The following KLF12 variants were observed in gnomAD, a reference collection of about 807,000 sequenced individuals.
KLF12 encodes the protein KLF transcription factor 12.
KLF12 carries 9 observed loss-of-function variants against 37.8 expected under a neutral mutation model. The ratio of observed to expected loss-of-function variants is 0.24; its 90% confidence interval spans 0.14 to 0.42. KLF12 has a LOEUF of 0.42. Ranked by LOEUF, KLF12 falls within the 10% of genes least tolerant of loss-of-function variation. The probability of loss-of-function intolerance (pLI) is 1.00; values close to 1 mark genes in which losing one functional copy is unlikely to be tolerated. For synonymous variants in KLF12, 208 were observed against 202.1 expected, an observed-to-expected ratio of 1.03 and a Z score of -0.25; for missense variants, 411 against 516.0, an observed-to-expected ratio of 0.80 and a Z score of 1.97.
the KLF12 span, among the ~76,000 whole-genome samples, chr13:74,239,048 G>A: frequency 5.4e-5 from 8 of 147,930 alleles, no homozygotes; most frequent in African/African-American, 1.8e-4. Context: ...GTCAATTTTG[G>A]ATCTTTCCTG....
At chr13:73,979,354 AACACACACACACACACACACAC>A (rs71115629) in intron 2 of KLF12, among the ~76,000 whole-genome samples, 5 of 139,620 alleles carry the variant, frequency 3.6e-5, no homozygotes, top group Non-Finnish European at 6.2e-5. Context: ...TCTGCTTTTA[AACACACACACACACACACACAC>A]ACACACACAC....
At chr13:74,275,868 ATCTTTCTTTCTTCTT>A in the KLF12 span, among the ~76,000 whole-genome samples, 1 of 67,434 alleles carries the variant, frequency 1.5e-5, no homozygotes, top group African/African-American at 5.9e-5. Flanking sequence ...CTTTCTTTCT[ATCTTTCTTTCTTCTT>A]TCTTTCTTTC....
chr13:74,236,213 C>A, the KLF12 span, among the ~76,000 whole-genome samples: 1 of 135,514 alleles, frequency 7.4e-6, no homozygotes, highest in African/African-American at 3.1e-5. Flanking sequence ...TTTGTTCTTG[C>A]GATAGTTTAC....
At chr13:73,752,080 T>C (rs1400099694) in intron 6 of KLF12, among the ~76,000 whole-genome samples, 1 of 152,160 alleles carries the variant, frequency 6.6e-6, no homozygotes. Flanking sequence ...CCTCCTGGGT[T>C]CAAGTGATTC....
At chr13:74,241,637 G>C in the KLF12 span, among the ~76,000 whole-genome samples, 4 of 152,246 alleles carry the variant, frequency 2.6e-5, no homozygotes, top group African/African-American at 4.8e-5. Flanking sequence ...GCCAGGTGCC[G>C]GATATAATCT....
intron 2 of KLF12, among the ~76,000 whole-genome samples, chr13:73,972,689 C>A (rs17061829): frequency 6.7e-6 from 1 of 149,388 alleles, no homozygotes; most frequent in Non-Finnish European, 1.5e-5. Context: ...CAGATCGATA[C>A]GAGGTGACAG....
the KLF12 span, among the ~76,000 whole-genome samples, chr13:74,202,721 G>A: frequency 2.9e-4 from 44 of 152,184 alleles, no homozygotes; most frequent in African/African-American, 9.6e-4. Flanking sequence ...TCCAAATTAT[G>A]GAAGGAACTA....
chr13:73,713,910 T>G (rs1274981971), intron 7 of KLF12, among the ~76,000 whole-genome samples: 1 of 152,182 alleles, frequency 6.6e-6, no homozygotes, highest in African/African-American at 2.4e-5. Flanking sequence ...TAGAAAGTCA[T>G]TTTTTTAAAA....
chr13:74,180,809 C>T, the KLF12 span, among the ~76,000 whole-genome samples: 1 of 152,094 alleles, frequency 6.6e-6, no homozygotes, highest in East Asian at 1.9e-4. Flanking sequence ...AGAAATTATG[C>T]TTCCTGAGCT....
At chr13:74,216,583 G>A in the KLF12 span, among the ~76,000 whole-genome samples, 3 of 152,224 alleles carry the variant, frequency 2.0e-5, no homozygotes, top group South Asian at 2.1e-4. Context: ...ATTTATTCTC[G>A]ATTTCTAAGA....
At chr13:73,878,424 CAGGTAGGCAAAACT>C (rs1349914494) in intron 3 of KLF12, among the ~76,000 whole-genome samples, 1 of 152,012 alleles carries the variant, frequency 6.6e-6, no homozygotes, top group Middle Eastern at 3.2e-3. Context: ...GAAGTGGTTC[CAGGTAGGCAAAACT>C]AAAAGGAAAT....
chr13:74,041,057 T>C (rs1893388835), intron 1 of KLF12, among the ~76,000 whole-genome samples: 1 of 152,018 alleles, frequency 6.6e-6, no homozygotes, highest in African/African-American at 2.4e-5. Context: ...CCAAATAACA[T>C]CTCCAAAATT....
At chr13:74,097,038 C>T (rs1411515438) in intron 1 of KLF12, among the ~76,000 whole-genome samples, 1 of 152,138 alleles carries the variant, frequency 6.6e-6, no homozygotes, top group East Asian at 1.9e-4. Context: ...CTCTGAACTA[C>T]AGTTTCCAAG....
chr13:74,168,357 C>G, the KLF12 span, among the ~76,000 whole-genome samples: 1 of 152,240 alleles, frequency 6.6e-6, no homozygotes, highest in South Asian at 2.1e-4. Flanking sequence ...CATGTCTTAT[C>G]TCCCTCTCCA....
chr13:74,300,172 G>C, the KLF12 span, among the ~76,000 whole-genome samples: 1 of 152,046 alleles, frequency 6.6e-6, no homozygotes, highest in Non-Finnish European at 1.5e-5. Flanking sequence ...TTTTCTTTTA[G>C]AATGAGAGGG....
chr13:73,882,811 C>T (rs901770709), intron 3 of KLF12, among the ~76,000 whole-genome samples: 1 of 152,146 alleles, frequency 6.6e-6, no homozygotes, highest in Non-Finnish European at 1.5e-5. Context: ...TGTACACCAA[C>T]AGAATTTATC....
chr13:74,129,726 G>C lies in KLF12; in HGVS notation c.-32+4013C>G, dbSNP rs991600227. On this transcript the variant is annotated intron_variant, in intron 1 of 7. Transcript: ENST00000377669. ...AGACAGGAAGAAAGACCATACCAGAGCAGAATTCTTTGGGTGAATATCCTG... is the reference window on the plus strand; with the variant it reads ...AGACAGGAAGAAAGACCATACCAGACCAGAATTCTTTGGGTGAATATCCTG... Among the ~76,000 whole-genome samples, 3 of 150,750 alleles carry C rather than the reference G, an allele frequency of 2.0e-5. No individual in the cohort carries two copies. The South Asian group carries it at 6.3e-4, about 31-fold the overall frequency.
the KLF12 span, among the ~76,000 whole-genome samples, chr13:74,270,096 T>A: frequency 1.2e-3 from 187 of 152,332 alleles, no homozygotes; most frequent in Non-Finnish European, 2.1e-3. Flanking sequence ...AACATAAAAC[T>A]TGGTTGGCCT....
chr13:73,722,339 T>C (rs1335558858), intron 6 of KLF12, among the ~76,000 whole-genome samples: 1 of 152,196 alleles, frequency 6.6e-6, no homozygotes, highest in African/African-American at 2.4e-5. Flanking sequence ...TCTGCATTTC[T>C]TTGTAGGCTT....
Sources: allele counts gnomAD v4.1 joint callset (sites outside exome capture counted in the v4.1 genomes callset), GRCh38; gene constraint gnomAD v4.1.1; transcripts MANE v1.5; gene names NCBI Gene and HGNC (gene_info 2026-07-23, HGNC 2026-07-21).